Variants in CACNA1A observed in about 807,000 individuals in gnomAD.
CACNA1A encodes calcium voltage-gated channel subunit alpha1 A, also known as voltage-dependent P/Q-type calcium channel subunit alpha-1A.
Under a neutral mutation model 262.4 loss-of-function variants are expected in CACNA1A, and 57 were observed. The ratio of observed to expected loss-of-function variants is 0.22; its 90% confidence interval spans 0.18 to 0.27. CACNA1A has a LOEUF of 0.27. Ranked by LOEUF, CACNA1A falls within the 10% of genes least tolerant of loss-of-function variation. CACNA1A has a pLI of 1.00. For synonymous variants in CACNA1A, 1,431 were observed against 1,419.3 expected (o/e 1.01, Z -0.18); for missense variants, 2,526 against 3,562.8 (o/e 0.71, Z 7.41).
At chr19:13,376,553 T>A (rs2059407091) in intron 3 of CACNA1A, among the ~76,000 whole-genome samples, 2 of 149,336 alleles carry the variant, frequency 1.3e-5, no homozygotes, top group Non-Finnish European at 3.0e-5. Flanking sequence ...ATATATATAA[T>A]ATATAACACA....
chr19:13,468,220 G>A (rs1464971679), intron 1 of CACNA1A, among the ~76,000 whole-genome samples: 1 of 152,104 alleles, frequency 6.6e-6, no homozygotes, highest in Non-Finnish European at 1.5e-5. Context: ...AGTGAGGAGT[G>A]AGGATGCTTC....
chr19:13,289,561 C>G (rs1395963296), intron 19 of CACNA1A, among the ~76,000 whole-genome samples: 1 of 152,158 alleles, frequency 6.6e-6, no homozygotes, highest in Non-Finnish European at 1.5e-5. Context: ...TCCCCATATC[C>G]TGGAGACTGA....
chr19:13,389,864 G>A (rs1427728698), intron 3 of CACNA1A, among the ~76,000 whole-genome samples: 2 of 152,122 alleles, frequency 1.3e-5, no homozygotes. Context: ...CCAGGCCGGA[G>A]TGCAGTGGCG....
rs371000214 is a variant in CACNA1A, at chr19:13,228,809, A to G, written c.5528+1273T>C. 8 of 1,508,820 alleles carry G rather than the reference A, an allele frequency of 5.3e-6. No individual in the cohort carries two copies. In the African/African-American group the frequency reaches 5.6e-5, roughly 11 times the overall value. 93.5% of individuals were successfully genotyped at this position (1,508,820 alleles called of 1,614,324 possible). A position where few individuals can be genotyped will look rare whatever the true frequency, so the allele number is the denominator to read the frequency against. On this transcript the variant is annotated intron_variant, in intron 36 of 46. Coordinates refer to ENST00000360228, the MANE Select transcript of CACNA1A (RefSeq NM_001127222.2). ...TGAATCCGACCGCTGAAAGGAGAAG[A>G]AAGGGGGTTAGTGCAGGCAATGGGT...
chr19:13,378,447 A>C (rs2059454544), intron 3 of CACNA1A, among the ~76,000 whole-genome samples: 1 of 152,126 alleles, frequency 6.6e-6, no homozygotes, highest in African/African-American at 2.4e-5. Context: ...TGCTAGAGAA[A>C]TCTTTCGTGA....
intron 10 of CACNA1A, among the ~76,000 whole-genome samples, chr19:13,322,136 G>A (rs58647035): frequency 0.2 from 29,475 of 150,224 alleles, 3,594 homozygotes; most frequent in East Asian, 0.36. Flanking sequence ...TGTGAGGTTG[G>A]GGTTGTAGTG....
At position 13,234,977 on chromosome 19, in the gene CACNA1A, T is replaced by A; in HGVS notation, c.5193A>T (p.Gln1731His). 6.2e-7 allele frequency: 1 copy of A among 1,613,882 alleles called. No homozygotes were observed. The highest frequency in any genetic ancestry group is 1.3e-5 in the African/African-American group (1 of 75,022). Residue 1731 changes from glutamine (Q) to histidine (H), a missense_variant, in exon 34 of 47, where the codon CAA becomes CAT. Gln to His is a conservative substitution (Grantham distance 24). Coordinates refer to ENST00000360228, the MANE Select transcript of CACNA1A (RefSeq NM_001127222.2). ...TCCGGAAGTTATTGTGCTCAGTGAT[T>A]TGGAACTCATCTTCATCACTGTCCT... Reference protein sequence around the residue: ...EDEDSDEDEFQITEHNNFRTF... With the variant: ...EDEDSDEDEFHITEHNNFRTF...
Position 13,212,797 on chromosome 19 carries a change from T to G in CACNA1A, c.5941-57A>C. ...CAAGGGTGGGGTGGTGGGACGGTGG[T>G]ACCCAGAAGGCATTGCGACATCCCC... On this transcript the variant is annotated intron_variant, in intron 40 of 46. Transcript: ENST00000360228. This position sits in a 1 kb window ranked among gnomAD's most constrained non-coding sequence, Gnocchi z 5.6. 3 of 798,420 alleles carry G rather than the reference T, an allele frequency of 3.8e-6. No individual in the cohort carries two copies. Among genetic ancestry groups the G allele is most frequent in the Non-Finnish European group, 5.8e-6 (3 of 514,132 alleles). 49.5% of individuals were successfully genotyped at this position (798,420 alleles called of 1,614,324 possible).
Position 13,259,335 on chromosome 19 carries a change from TTTTTTTTG to T in CACNA1A, c.4388+221_4388+228del, listed in dbSNP as rs1160332368. The T allele has an allele frequency of 1.3e-3, 139 of 107,870 alleles. 3 individuals are homozygous for T. In the East Asian group the frequency reaches 0.015, roughly 11 times the overall value. 6.7% of individuals were successfully genotyped at this position (107,870 alleles called of 1,614,324 possible). ...AGCTTTTTTTTTTTTTTTTTTTTTT[TTTTTTTTG>T]GGATTTTTAGTAGAAATGGAGTTTT... is the stretch of plus-strand genomic sequence containing the variant. On this transcript the variant is annotated intron_variant, in intron 27 of 46. Transcript: ENST00000360228.
Position 13,262,206 on chromosome 19 carries a change from C to T in CACNA1A, c.4089+528G>A, listed in dbSNP as rs538880125. The T allele has an allele frequency of 8.3e-5, 13 of 156,222 alleles. No homozygotes were observed. The South Asian group carries it at 2.5e-3, about 30-fold the overall frequency. The allele number at this position is 156,222 out of a possible 1,614,324, so 9.7% of individuals were successfully genotyped here. On this transcript the variant is annotated intron_variant, in intron 25 of 46. Transcript: ENST00000360228. ...ACGGGTGTGACTTGATTTAAAGAAA[C>T]ATATTACATAAGAGATAATACTGGG...
At chr19:13,490,697 GAAAGAAAGAAAGAAA>G (rs1568700566) in intron 1 of CACNA1A, among the ~76,000 whole-genome samples, 3 of 6,224 alleles carry the variant, frequency 4.8e-4, no homozygotes, top group African/African-American at 1.8e-3. Context: ...AGAAAGGAAA[GAAAGAAAGAAAGAAA>G]GAAAGAAAGA....
intron 15 of CACNA1A, among the ~76,000 whole-genome samples, chr19:13,307,110 A>G (rs1250078165): frequency 6.6e-6 from 1 of 151,924 alleles, no homozygotes; most frequent in Non-Finnish European, 1.5e-5. Flanking sequence ...GGTATGTATC[A>G]CCATGCCCAG....
intron 23 of CACNA1A, among the ~76,000 whole-genome samples, chr19:13,276,697 CTTTT>C (rs33970596): frequency 8.0e-6 from 1 of 125,428 alleles, no homozygotes. Context: ...AATCCCAGCT[CTTTT>C]TTTTTTTTTT....
intron 10 of CACNA1A, among the ~76,000 whole-genome samples, chr19:13,329,443 C>A (rs1397200615): frequency 6.6e-6 from 1 of 151,728 alleles, no homozygotes; most frequent in Non-Finnish European, 1.5e-5. Context: ...CTATTTCCTG[C>A]ACTGGACTGT....
intron 1 of CACNA1A, among the ~76,000 whole-genome samples, chr19:13,504,989 A>G (rs965881954): frequency 6.6e-6 from 1 of 151,912 alleles, no homozygotes; most frequent in East Asian, 1.9e-4. Context: ...TTTAAAAGGC[A>G]TTTACCTACC....
intron 10 of CACNA1A, 104 bp downstream of exon 10, chr19:13,330,140 C>T (rs1600346475): frequency 4.0e-6 from 3 of 754,684 alleles, no homozygotes; most frequent in East Asian, 5.4e-5. Flanking sequence ...GAGCTGAGAC[C>T]CAAATCCAGG....
chr19:13,380,113 G>A (rs1445313492), intron 3 of CACNA1A, among the ~76,000 whole-genome samples: 16 of 125,898 alleles, frequency 1.3e-4, no homozygotes, highest in Middle Eastern at 6.9e-3. Flanking sequence ...GTGAAAACCC[G>A]TCTCTACTAA....
At chr19:13,486,838 C>T (rs55841086) in intron 1 of CACNA1A, among the ~76,000 whole-genome samples, 10,930 of 152,036 alleles carry the variant, frequency 0.072, 549 homozygotes, top group Non-Finnish European at 0.11. Context: ...TTCTCACCTT[C>T]CACTTTTCTT....
chr19:13,253,207 G>A (rs1032426516), intron 29 of CACNA1A, 106 bp from the exon 30 acceptor site: 1 of 665,338 alleles, frequency 1.5e-6, no homozygotes, highest in Middle Eastern at 3.8e-4. Context: ...CCAGCCCCAG[G>A]CAAGGTCTGA....
Sources: gnomAD v4.1 joint callset for allele counts (sites outside exome capture counted in the v4.1 genomes callset) on GRCh38, gnomAD v4.1.1 for gene constraint, Gnocchi (gnomAD v3.1) non-coding constraint, MANE v1.5 for transcripts, NCBI Gene and HGNC (gene_info 2026-07-23, HGNC 2026-07-21) for gene names.